Variants in FMNL2 observed in about 807,000 individuals in gnomAD.
The protein encoded by FMNL2 is formin like 2, also known as formin-like protein 2.
Under a neutral mutation model 130.2 loss-of-function variants are expected in FMNL2, and 51 were observed. The observed-to-expected ratio is 0.39, with a 90% CI of 0.31 to 0.49. The LOEUF is 0.49. FMNL2 is among the 20% of genes least tolerant of loss of function. FMNL2 has a pLI of 0.85. For missense variants in FMNL2, 977 were observed against 1,316.2 expected (o/e 0.74, Z 3.99); for synonymous variants, 465 against 467.1 (o/e 1.00, Z 0.06).
chr2:152,472,427 C>T (rs1030014653), intron 1 of FMNL2, among the ~76,000 whole-genome samples: 3 of 152,070 alleles, frequency 2.0e-5, no homozygotes, highest in Non-Finnish European at 4.4e-5. Flanking sequence ...TAAAAGAACT[C>T]ATTTTATTTA....
chr2:152,565,282 A>C (rs139450852), intron 6 of FMNL2, among the ~76,000 whole-genome samples: 2 of 152,316 alleles, frequency 1.3e-5, no homozygotes, highest in East Asian at 3.9e-4. Flanking sequence ...GGAAGGGACA[A>C]ATTTAAACTG....
At chr2:152,548,529 C>T (rs1323393927) in intron 3 of FMNL2, among the ~76,000 whole-genome samples, 1 of 152,200 alleles carries the variant, frequency 6.6e-6, no homozygotes, top group Non-Finnish European at 1.5e-5. Flanking sequence ...GAGCTTTATG[C>T]ATGTTGTCAT....
chr2:152,389,223 A>C (rs1238482649), intron 1 of FMNL2, among the ~76,000 whole-genome samples: 1 of 152,164 alleles, frequency 6.6e-6, no homozygotes, highest in African/African-American at 2.4e-5. Flanking sequence ...CTTATTTCTC[A>C]TGGTTCTGGA....
chr2:152,382,587 C>T (rs190585597), intron 1 of FMNL2, among the ~76,000 whole-genome samples: 6 of 152,160 alleles, frequency 3.9e-5, no homozygotes, highest in African/African-American at 1.4e-4. Context: ...TCTTAGGGCT[C>T]TTAATGTATT....
intron 1 of FMNL2, among the ~76,000 whole-genome samples, chr2:152,359,480 C>CTTTTTTT (rs1683035231): frequency 1.7e-5 from 1 of 57,810 alleles, no homozygotes; most frequent in African/African-American, 4.0e-5. Flanking sequence ...TAAGAGGTAG[C>CTTTTTTT]CTTTTTTTTT....
At chr2:152,607,573 C>G (rs1038334961) in intron 10 of FMNL2, 160 bp downstream of exon 10, 1 of 578,132 alleles carries the variant, frequency 1.7e-6, no homozygotes, top group Admixed American at 3.0e-5. Flanking sequence ...GAATGTCCCT[C>G]TTAATCTGTA....
At chr2:152,602,635 A>G (rs1271784696) in intron 9 of FMNL2, among the ~76,000 whole-genome samples, 1 of 152,232 alleles carries the variant, frequency 6.6e-6, no homozygotes, top group South Asian at 2.1e-4. Flanking sequence ...TTCAGCTGCA[A>G]GAATATAGCT....
intron 2 of FMNL2, 39 bp downstream of exon 2, chr2:152,522,065 TGAAA>T: frequency 6.6e-7 from 1 of 1,508,474 alleles, no homozygotes; most frequent in African/African-American, 1.4e-5. Flanking sequence ...AAAAAAGTAA[TGAAA>T]GAAGAGATCC....
intron 1 of FMNL2, among the ~76,000 whole-genome samples, chr2:152,479,935 A>C (rs922360839): frequency 6.6e-6 from 1 of 152,010 alleles, no homozygotes; most frequent in South Asian, 2.1e-4. Context: ...CTTACGTTGC[A>C]TGGGAGTGTA....
intron 2 of FMNL2, among the ~76,000 whole-genome samples, chr2:152,529,216 G>A (rs1693562574): frequency 1.3e-5 from 2 of 152,180 alleles, no homozygotes. Context: ...GGAAAGGAAA[G>A]AGTGAGGTGA....
At chr2:152,588,706 T>G (rs966495179) in intron 9 of FMNL2, among the ~76,000 whole-genome samples, 2 of 152,058 alleles carry the variant, frequency 1.3e-5, no homozygotes, top group South Asian at 4.1e-4. Flanking sequence ...TCTCCAGTTT[T>G]AAAGAGCTTA....
intron 1 of FMNL2, among the ~76,000 whole-genome samples, chr2:152,413,231 G>T (rs986819729): frequency 2.6e-5 from 4 of 152,080 alleles, no homozygotes; most frequent in African/African-American, 4.8e-5. Context: ...GTAGAAATTA[G>T]TGTATTTATT....
At chr2:152,589,326 AC>A (rs1441300836) in intron 9 of FMNL2, among the ~76,000 whole-genome samples, 1 of 102,286 alleles carries the variant, frequency 9.8e-6, no homozygotes, top group Non-Finnish European at 2.4e-5. Context: ...AACAAAAAAA[AC>A]AACAAAAAAA....
intron 24 of FMNL2, among the ~76,000 whole-genome samples, chr2:152,640,450 G>A (rs1301087405): frequency 6.6e-6 from 1 of 152,168 alleles, no homozygotes; most frequent in Admixed American, 6.5e-5. Context: ...GGGCAACCTC[G>A]TTAGTAGGTA....
chr2:152,517,238 A>C (rs1692824356), intron 1 of FMNL2, among the ~76,000 whole-genome samples: 1 of 152,210 alleles, frequency 6.6e-6, no homozygotes, highest in Admixed American at 6.5e-5. Context: ...TTTTACAAGA[A>C]ACTGAAATAC....
At chr2:152,468,782 C>A (rs528363421) in intron 1 of FMNL2, among the ~76,000 whole-genome samples, 1 of 152,264 alleles carries the variant, frequency 6.6e-6, no homozygotes, top group African/African-American at 2.4e-5. Context: ...TGTGAATACT[C>A]CCCTGTACAA....
At chr2:152,547,644 G>A (rs1287031977) in intron 3 of FMNL2, among the ~76,000 whole-genome samples, 5 of 152,154 alleles carry the variant, frequency 3.3e-5, no homozygotes, top group Admixed American at 1.3e-4. Flanking sequence ...CCAAGTCCCA[G>A]GTGTGGGCGT....
Position 152,509,830 on chromosome 2 carries a change from C to T in FMNL2, c.118-12113C>T, listed in dbSNP as rs148074449. Reference sequence around the variant, plus strand: ...GCACAATCATGGGTCAATGCAGCCTCGAGCTCATGGCTCAAGTGATCCTCC... The same window carrying T: ...GCACAATCATGGGTCAATGCAGCCTTGAGCTCATGGCTCAAGTGATCCTCC... On this transcript the variant is annotated intron_variant, in intron 1 of 25. Transcript: ENST00000288670. Among the ~76,000 whole-genome samples the T allele has an allele frequency of 1.7e-4, 23 of 135,040 alleles. No homozygotes were observed. The East Asian group carries it at 3.8e-3, about 22-fold the overall frequency. 88.6% of individuals were successfully genotyped at this position (135,040 alleles called of 152,430 possible).
chr2:152,484,749 G>A (rs1287636361), intron 1 of FMNL2, among the ~76,000 whole-genome samples: 2 of 152,138 alleles, frequency 1.3e-5, no homozygotes. Flanking sequence ...GTGACAGAGT[G>A]AGACCCTGTC....
Sources: gnomAD v4.1 joint callset for allele counts (sites outside exome capture counted in the v4.1 genomes callset) on GRCh38, gnomAD v4.1.1 for gene constraint, MANE v1.5 for transcripts, NCBI Gene and HGNC (gene_info 2026-07-23, HGNC 2026-07-21) for gene names.